PRKCH: variants seen among roughly 807,000 people sequenced by gnomAD.
The protein encoded by PRKCH is protein kinase C eta.
A neutral mutation model predicts 82.5 loss-of-function variants in PRKCH; 28 were observed. The ratio of observed to expected loss-of-function variants is 0.34; its 90% CI spans 0.25 to 0.47. The LOEUF is 0.47. Ranked by LOEUF, PRKCH falls within the 20% of genes least tolerant of loss-of-function variation. The pLI is 1.00. For synonymous variants in PRKCH, 322 were observed against 327.4 expected (o/e 0.98, Z 0.18); for missense variants, 705 against 881.8 (o/e 0.80, Z 2.54).
intron 1 of PRKCH, chr14:61,281,109 G>C (rs986879178): frequency 6.9e-7 from 1 of 1,446,214 alleles, no homozygotes; most frequent in Non-Finnish European, 9.1e-7. Context: ...CGGTGTTGTC[G>C]GGCTGGTGGG....
chr14:61,440,724 A>G (rs918196750), intron 2 of PRKCH, among the ~76,000 whole-genome samples: 2 of 152,074 alleles, frequency 1.3e-5, no homozygotes, highest in African/African-American at 4.8e-5. Flanking sequence ...AAATACGAAA[A>G]TTAGCTGGGC....
chr14:61,248,894 C>G (rs9788588), intron 1 of PRKCH, among the ~76,000 whole-genome samples: 140,935 of 151,976 alleles, frequency 0.93, 66,228 homozygotes, highest in Non-Finnish European at 1. Flanking sequence ...CTCTGCCTCC[C>G]GGATTCAAGC....
intron 1 of PRKCH, among the ~76,000 whole-genome samples, chr14:61,282,382 C>T (rs549138572): frequency 4.6e-4 from 69 of 150,692 alleles, no homozygotes; most frequent in African/African-American, 1.6e-3. Context: ...GTTCTTGCTT[C>T]TCCTCCAGCT....
chr14:61,378,651 C>T (rs1298534038), intron 1 of PRKCH, among the ~76,000 whole-genome samples: 1 of 152,174 alleles, frequency 6.6e-6, no homozygotes, highest in Non-Finnish European at 1.5e-5. Flanking sequence ...AGGTAAAGGT[C>T]ATACATTGAA....
chr14:61,461,167 G>C (rs927787561), intron 9 of PRKCH, among the ~76,000 whole-genome samples: 6 of 152,212 alleles, frequency 3.9e-5, no homozygotes, highest in Non-Finnish European at 8.8e-5. Context: ...CCCATCCTCT[G>C]CTTTCCCTCT....
intron 3 of PRKCH, among the ~76,000 whole-genome samples, chr14:61,444,957 CAG>C (rs1884151210): frequency 6.6e-6 from 1 of 152,218 alleles, no homozygotes; most frequent in Non-Finnish European, 1.5e-5. Context: ...CATCTGGCTT[CAG>C]AGTCTGTGCT....
chr14:61,379,334 T>C (rs2046467514), intron 1 of PRKCH, among the ~76,000 whole-genome samples: 1 of 152,228 alleles, frequency 6.6e-6, no homozygotes, highest in African/African-American at 2.4e-5. Flanking sequence ...GGTGTTATCA[T>C]AGAATAACTG....
At chr14:61,226,568 T>A (rs746486197) in intron 1 of PRKCH, among the ~76,000 whole-genome samples, 72 of 152,344 alleles carry the variant, frequency 4.7e-4, no homozygotes, top group Non-Finnish European at 7.9e-4. Flanking sequence ...GTCCTGCTCC[T>A]TTTGGTTTCC....
chr14:61,334,067 G>A (rs935309981), intron 1 of PRKCH, among the ~76,000 whole-genome samples: 4 of 152,166 alleles, frequency 2.6e-5, no homozygotes, highest in African/African-American at 9.7e-5. Context: ...TGTCCACAGA[G>A]CAGCCCCCTA....
intron 9 of PRKCH, among the ~76,000 whole-genome samples, chr14:61,458,865 A>G (rs1170738126): frequency 6.6e-6 from 1 of 152,130 alleles, no homozygotes; most frequent in Non-Finnish European, 1.5e-5. Context: ...CTCATGATCC[A>G]ATCACCTCCC....
intron 10 of PRKCH, among the ~76,000 whole-genome samples, chr14:61,510,880 T>C (rs536952263): frequency 1.8e-4 from 27 of 152,236 alleles, no homozygotes; most frequent in African/African-American, 6.0e-4. Flanking sequence ...GGCACCTTTT[T>C]CTAATGTGCA....
intron 2 of PRKCH, among the ~76,000 whole-genome samples, chr14:61,410,329 T>C (rs914333099): frequency 1.3e-5 from 2 of 152,198 alleles, no homozygotes; most frequent in Non-Finnish European, 2.9e-5. Flanking sequence ...TTTTGTTCCA[T>C]GTGAAATGGG....
At chr14:61,426,000 T>G (rs1883088242) in intron 2 of PRKCH, among the ~76,000 whole-genome samples, 1 of 152,250 alleles carries the variant, frequency 6.6e-6, no homozygotes, top group South Asian at 2.1e-4. Flanking sequence ...CCTTCTGCCA[T>G]GATTGTAAGT....
At chr14:61,335,085 T>C (rs2045839051) in intron 1 of PRKCH, among the ~76,000 whole-genome samples, 1 of 152,186 alleles carries the variant, frequency 6.6e-6, no homozygotes, top group South Asian at 2.1e-4. Flanking sequence ...TGGTTGCTTT[T>C]AATTTCCTGA....
rs35045657 is a variant in PRKCH, at chr14:61,287,204, T to TAAA, written c.-19+99564_-19+99566dup. Among the ~76,000 whole-genome samples the TAAA allele has an allele frequency of 2.4e-3, 139 of 57,912 alleles. 4 individuals are homozygous for TAAA. Among genetic ancestry groups the TAAA allele is most frequent in the Non-Finnish European group, 2.8e-3 (88 of 31,278 alleles). 38.0% of individuals were successfully genotyped at this position (57,912 alleles called of 152,430 possible). A position where few individuals can be genotyped will look rare whatever the true frequency, so the allele number is the denominator to read the frequency against. On this transcript the variant is annotated intron_variant, in intron 1 of 3. Transcript: ENST00000555185. ...TGAGCAACAGTGCAAGACTCCGTCT[T>TAAA]AAAAAAAAAAAAAAAAAAAAAAAAA...
At chr14:61,515,461 AG>A (rs2042811172) in intron 10 of PRKCH, among the ~76,000 whole-genome samples, 1 of 152,200 alleles carries the variant, frequency 6.6e-6, no homozygotes, top group African/African-American at 2.4e-5. Context: ...AACTTAAACC[AG>A]CTTTTTGTCA....
chr14:61,394,198 C>G (rs887718498), intron 2 of PRKCH, among the ~76,000 whole-genome samples: 2 of 152,012 alleles, frequency 1.3e-5, no homozygotes, highest in Admixed American at 1.3e-4. Flanking sequence ...TTCAATATAT[C>G]GTCTGCATTA....
intron 10 of PRKCH, chr14:61,492,355 G>A (rs145439128): frequency 2.0e-3 from 306 of 152,298 alleles, no homozygotes; most frequent in African/African-American, 7.0e-3. Context: ...ACTCAACAAT[G>A]GGTTTATAAA....
intron 4 of PRKCH, among the ~76,000 whole-genome samples, chr14:61,446,741 G>A (rs539796780): frequency 2.0e-5 from 3 of 152,232 alleles, no homozygotes; most frequent in African/African-American, 7.2e-5. Flanking sequence ...CAGAATCGCT[G>A]TCACTTTGTG....
Sources: gnomAD v4.1 joint callset for allele counts (sites outside exome capture counted in the v4.1 genomes callset) on GRCh38, gnomAD v4.1.1 for gene constraint, MANE v1.5 for transcripts, NCBI Gene and HGNC (gene_info 2026-07-23, HGNC 2026-07-21) for gene names.